MMP26: variants seen among roughly 807,000 people sequenced by gnomAD.
MMP26 encodes matrix metalloproteinase-26.
MMP26 carries 33 observed loss-of-function variants against 31.0 expected under a neutral mutation model. The observed-to-expected ratio is 1.06, with a 90% CI of 0.81 to 1.42. The LOEUF is 1.42. Among genes scored for constraint, MMP26 ranks in the 40% most tolerant of loss-of-function variants. The pLI is 0.00. For synonymous variants in MMP26, 122 were observed against 114.9 expected (o/e 1.06, Z -0.40); for missense variants, 347 against 316.1 (o/e 1.10, Z -0.74).
In MMP26 at chr11:4,746,300, G is replaced by C. The variant is rs144924239; in HGVS notation, c.-216-20970G>C. Among the ~76,000 whole-genome samples, 71 of 152,204 alleles carry C rather than the reference G, an allele frequency of 4.7e-4. No individual in the cohort carries two copies. The East Asian group carries it at 0.011, about 24-fold the overall frequency. ...ATGGTTGCAGTAAAGTAGAATTACT[G>C]GTTAAAGTTCTTGTAATAGGAATTA... On this transcript the variant is annotated intron_variant, in intron 1 of 7. Transcript: ENST00000380390.
chr11:4,844,544 C>T (rs1189520426), intron 2 of MMP26, among the ~76,000 whole-genome samples: 3 of 152,032 alleles, frequency 2.0e-5, no homozygotes, highest in Non-Finnish European at 4.4e-5. Context: ...TTCAAAAAAA[C>T]ATTAGAAAGA....
rs1022317314 is a variant in MMP26 at position 4,908,645 on chromosome 11, A to G, written c.-144-79423A>G. 11 of 353,822 alleles carry G rather than the reference A, an allele frequency of 3.1e-5. 1 individual carries two copies. In the Middle Eastern group the frequency reaches 3.6e-3, roughly 117 times the overall value. The allele number at this position is 353,822 out of a possible 1,614,324, so 21.9% of individuals were successfully genotyped here. A position where few individuals can be genotyped will look rare whatever the true frequency, so the allele number is the denominator to read the frequency against. ...CAGTTAGTATCTATTAAAAATACAG[A>G]TGATATACAAAGTCTAATCTCATAC... On this transcript the variant is annotated intron_variant, in intron 2 of 7. Coordinates refer to ENST00000380390, the MANE Select transcript of MMP26 (RefSeq NM_021801.5).
At chr11:4,710,029 G>A (rs1246282415) in intron 1 of MMP26, 1 of 456,744 alleles carries the variant, frequency 2.2e-6, no homozygotes, top group South Asian at 1.5e-5. Flanking sequence ...GTTCTTAGGG[G>A]AACAACAGCT....
intron 2 of MMP26, among the ~76,000 whole-genome samples, chr11:4,920,795 G>A (rs1246285760): frequency 1.3e-5 from 2 of 151,976 alleles, no homozygotes; most frequent in African/African-American, 4.8e-5. Context: ...ATCATATGTT[G>A]ATTCTCCATA....
At chr11:4,771,946 A>C (rs1848728763) in intron 2 of MMP26, among the ~76,000 whole-genome samples, 1 of 152,228 alleles carries the variant, frequency 6.6e-6, no homozygotes, top group Admixed American at 6.5e-5. Flanking sequence ...TCAACACGAT[A>C]AATATATCTA....
chr11:4,963,598 A>G (rs1027784619), intron 2 of MMP26, among the ~76,000 whole-genome samples: 1 of 152,176 alleles, frequency 6.6e-6, no homozygotes, highest in African/African-American at 2.4e-5. Context: ...CAACCTTCTG[A>G]TCTTTGTCCT....
chr11:4,721,551 G>A (rs888700088), intron 1 of MMP26, among the ~76,000 whole-genome samples: 3 of 152,176 alleles, frequency 2.0e-5, no homozygotes, highest in South Asian at 4.1e-4. Context: ...AGGACTCTTT[G>A]TCTTATCTCT....
chr11:4,860,946 A>C (rs1850145219), intron 2 of MMP26, among the ~76,000 whole-genome samples: 1 of 151,846 alleles, frequency 6.6e-6, no homozygotes, highest in Non-Finnish European at 1.5e-5. Context: ...TTGCTAAATA[A>C]TTTTTTAAAA....
At chr11:4,745,114 T>C (rs1848362846) in intron 1 of MMP26, among the ~76,000 whole-genome samples, 5 of 152,156 alleles carry the variant, frequency 3.3e-5, no homozygotes, top group Admixed American at 2.6e-4. Flanking sequence ...TTGACTAATA[T>C]AAAAAGTGTA....
Position 4,766,693 on chromosome 11 carries a change from T to TTCCCTCCCTCTCTCCC in MMP26, c.-216-567_-216-566insTCTCCCTCCCTCCCTC, listed in dbSNP as rs1554931045. 4.0e-4 allele frequency among the ~76,000 whole-genome samples: 20 copies of TTCCCTCCCTCTCTCCC among 49,390 alleles called. No homozygotes were observed. The East Asian group carries it at 1.0e-2, about 25-fold the overall frequency. The allele number at this position is 49,390 out of a possible 152,430, so 32.4% of individuals were successfully genotyped here. On this transcript the variant is annotated intron_variant, in intron 1 of 7. Transcript: ENST00000380390. ...TCCTTAATTTCTCTCCCACTTTCCT[T>TTCCCTCCCTCTCTCCC]TCCCTCCCTCCCTCCCTCCCTCCCT...
intron 2 of MMP26, chr11:4,769,562 G>C (rs1564905368): frequency 6.2e-7 from 1 of 1,613,104 alleles, no homozygotes; most frequent in East Asian, 2.2e-5. Context: ...AAAGGCTGTA[G>C]CCACCAGCAC....
intron 1 of MMP26, chr11:4,709,562 G>T: frequency 2.3e-6 from 1 of 432,574 alleles, no homozygotes; most frequent in South Asian, 1.6e-5. Flanking sequence ...CTGCTTCTTC[G>T]CTCATCATGC....
At chr11:4,824,698 A>G (rs1270143293) in intron 2 of MMP26, among the ~76,000 whole-genome samples, 1 of 152,116 alleles carries the variant, frequency 6.6e-6, no homozygotes, top group Non-Finnish European at 1.5e-5. Flanking sequence ...TCCACATTTT[A>G]CCAAGAATAT....
At chr11:4,812,595 T>A (rs1292052472) in intron 2 of MMP26, among the ~76,000 whole-genome samples, 1 of 152,228 alleles carries the variant, frequency 6.6e-6, no homozygotes, top group South Asian at 2.1e-4. Context: ...GAATCCAGTA[T>A]GTTGCAGGTG....
At chr11:4,860,759 G>T in intron 2 of MMP26, 1 of 247,602 alleles carries the variant, frequency 4.0e-6, no homozygotes, top group Non-Finnish European at 8.0e-6. Context: ...AGTCACATGT[G>T]ATTACCTCCC....
chr11:4,943,860 CA>C, intron 2 of MMP26: 1 of 449,340 alleles, frequency 2.2e-6, no homozygotes, highest in Non-Finnish European at 4.5e-6. Context: ...TTAAGACTGT[CA>C]AAAACCCCTA....
At chr11:4,708,186 C>G (rs938551110) in intron 1 of MMP26, among the ~76,000 whole-genome samples, 3 of 152,172 alleles carry the variant, frequency 2.0e-5, no homozygotes, top group African/African-American at 7.2e-5. Context: ...AGCTTATCTT[C>G]CAACTGAGAT....
chr11:4,841,548 CA>C (rs1849796516), intron 2 of MMP26, among the ~76,000 whole-genome samples: 1 of 152,082 alleles, frequency 6.6e-6, no homozygotes, highest in Non-Finnish European at 1.5e-5. Context: ...ATAATATATC[CA>C]GTGAAAATAT....
At chr11:4,987,482 G>A (rs1042102109) in intron 2 of MMP26, among the ~76,000 whole-genome samples, 1 of 151,468 alleles carries the variant, frequency 6.6e-6, no homozygotes, top group Non-Finnish European at 1.5e-5. Flanking sequence ...GCAGTGGCGC[G>A]ATCTCGGCTC....
Sources: gnomAD v4.1 joint callset for allele counts (sites outside exome capture counted in the v4.1 genomes callset) on GRCh38, gnomAD v4.1.1 for gene constraint, MANE v1.5 for transcripts, NCBI Gene and HGNC (gene_info 2026-07-23, HGNC 2026-07-21) for gene names.